The following SCFD1 variants were observed in gnomAD, a reference collection of about 807,000 sequenced individuals.
SCFD1 encodes the protein sec1 family domain containing 1.
A neutral mutation model predicts 103.2 loss-of-function variants in SCFD1; 37 were observed. The ratio of observed to expected loss-of-function variants is 0.36; its 90% CI spans 0.28 to 0.47. The LOEUF (loss-of-function observed/expected upper bound fraction) is 0.47, where lower values mean the gene tolerates loss of function less well. SCFD1 is among the 20% of genes least tolerant of loss of function. The pLI is 1.00. For synonymous variants in SCFD1, 264 were observed against 245.0 expected (o/e 1.08, Z -0.73); for missense variants, 639 against 761.2 (o/e 0.84, Z 1.89).
rs1185186366 is a variant in SCFD1, at chr14:30,638,198, A to G, written c.386A>G (p.Asp129Gly). 6.2e-7 allele frequency: 1 copy of G among 1,612,898 alleles called. No homozygotes were observed. Among genetic ancestry groups the G allele is most frequent in the East Asian group, 2.2e-5 (1 of 44,782 alleles). The change falls in exon 5 of 25, where the codon GAT becomes GGT. Residue 129 changes from aspartate (D) to glycine (G), a missense_variant. Asp to Gly is a moderately conservative substitution (Grantham distance 94). Coordinates refer to ENST00000458591, the MANE Select transcript of SCFD1 (RefSeq NM_016106.4). ...ISAISRSKLE[D>G]IANAALAASA... is the part of the protein sequence containing the mutation. ...GCTATTTCAAGAAGTAAACTGGAAG[A>G]TATTGCAAATGCAGCGTTAGCAGCT... is the stretch of plus-strand genomic sequence containing the variant.
At chr14:30,725,176 T>C (rs1226848925) in intron 23 of SCFD1, among the ~76,000 whole-genome samples, 1 of 152,164 alleles carries the variant, frequency 6.6e-6, no homozygotes, top group Non-Finnish European at 1.5e-5. Context: ...GGCTCTTTTT[T>C]GATTCCATAT....
rs374416092 is a variant in SCFD1 at position 30,650,528 on chromosome 14, A to C, written c.670-37A>C. On this transcript the variant is annotated intron_variant, in intron 8 of 24. Transcript: ENST00000458591. ...GAATTAACCTCCATAAAGTTATATGAAACTGTTAAGAGTTAATCTAAAATT... is the reference window on the plus strand; with the variant it reads ...GAATTAACCTCCATAAAGTTATATGCAACTGTTAAGAGTTAATCTAAAATT... The C allele has an allele frequency of 1.5e-4, 186 of 1,201,566 alleles. No individual in the cohort carries two copies. In the African/African-American group the frequency reaches 2.3e-3, roughly 15 times the overall value. 74.4% of individuals were successfully genotyped at this position (1,201,566 alleles called of 1,614,324 possible).
At chr14:30,693,171 G>A (rs1216420992) in intron 14 of SCFD1, among the ~76,000 whole-genome samples, 1 of 152,144 alleles carries the variant, frequency 6.6e-6, no homozygotes, top group African/African-American at 2.4e-5. Flanking sequence ...ACATGCTGAT[G>A]TAGAATATAT....
At chr14:30,639,331 A>C (rs1380181600) in intron 5 of SCFD1, among the ~76,000 whole-genome samples, 1 of 152,136 alleles carries the variant, frequency 6.6e-6, no homozygotes, top group African/African-American at 2.4e-5. Context: ...TAGTTCTCTT[A>C]ATTTTTCTCC....
intron 15 of SCFD1, among the ~76,000 whole-genome samples, chr14:30,695,444 CAT>C (rs972174742): frequency 1.4e-4 from 22 of 152,072 alleles, no homozygotes; most frequent in African/African-American, 5.1e-4. Context: ...TGTTCTCACT[CAT>C]GTGGAAGCTT....
chr14:30,664,151 G>T (rs750389967), intron 10 of SCFD1, among the ~76,000 whole-genome samples: 1 of 152,034 alleles, frequency 6.6e-6, no homozygotes, highest in African/African-American at 2.4e-5. Context: ...TCATACACCC[G>T]GGCGCCCCTC....
intron 19 of SCFD1, 39 bp from the exon 20 acceptor site, chr14:30,715,885 G>A (rs1052866032): frequency 9.3e-6 from 11 of 1,188,310 alleles, no homozygotes; most frequent in African/African-American, 1.6e-5. Context: ...AAGAACTTTG[G>A]TTTAATATTC....
intron 10 of SCFD1, among the ~76,000 whole-genome samples, chr14:30,654,364 C>G (rs1886693738): frequency 6.6e-6 from 1 of 152,120 alleles, no homozygotes; most frequent in Non-Finnish European, 1.5e-5. Flanking sequence ...TAAAGACTGC[C>G]CAACATGTCA....
chr14:30,622,341 G>GGCGGCGGCGGCGGCA lies in SCFD1; in HGVS notation c.7_21dup (p.Ala3_Ala7dup), dbSNP rs765492494. 18 of 1,569,352 alleles carry GGCGGCGGCGGCGGCA rather than the reference G, an allele frequency of 1.1e-5. No individual in the cohort carries two copies. The East Asian group carries it at 2.8e-4, about 25-fold the overall frequency. On this transcript the variant is annotated inframe_insertion, in exon 1 of 25. Transcript: ENST00000458591. ...GGCAGTGGCTCGTGGGAGCCAAGATGGCGGCGGCGGCGGCAGCGACAGCAG... is the reference window on the plus strand; with the variant it reads ...GGCAGTGGCTCGTGGGAGCCAAGATGGCGGCGGCGGCGGCAGCGGCGGCGGCGGCAGCGACAGCAG...
intron 6 of SCFD1, among the ~76,000 whole-genome samples, chr14:30,640,379 C>T (rs229163): frequency 0.011 from 1,726 of 152,172 alleles, 31 homozygotes; most frequent in African/African-American, 0.039. Context: ...TTTTTGACAA[C>T]GGTTATTATT....
chr14:30,703,959 A>G (rs1891283863), intron 17 of SCFD1, among the ~76,000 whole-genome samples: 1 of 49,658 alleles, frequency 2.0e-5, no homozygotes, highest in South Asian at 5.7e-4. Flanking sequence ...ATATATATAT[A>G]TATAAATAAT....
intron 14 of SCFD1, among the ~76,000 whole-genome samples, chr14:30,678,512 C>T (rs890940637): frequency 2.0e-5 from 3 of 152,008 alleles, no homozygotes; most frequent in South Asian, 2.1e-4. Flanking sequence ...TTTTTTCATC[C>T]CTAATACAAA....
intron 1 of SCFD1, 53 bp downstream of exon 1, chr14:30,622,452 C>T: frequency 6.5e-7 from 1 of 1,546,916 alleles, no homozygotes; most frequent in East Asian, 2.4e-5. Context: ...CGACGACATC[C>T]TTCTCCTCTG....
chr14:30,663,977 T>G (rs908827812), intron 10 of SCFD1, among the ~76,000 whole-genome samples: 3 of 152,168 alleles, frequency 2.0e-5, no homozygotes, highest in African/African-American at 7.2e-5. Flanking sequence ...CAGCAGAAAC[T>G]TCTGCAGACT....
At chr14:30,662,090 A>G (rs773778892) in intron 10 of SCFD1, among the ~76,000 whole-genome samples, 1 of 152,224 alleles carries the variant, frequency 6.6e-6, no homozygotes. Context: ...TGTGATTTAC[A>G]GGAGGAATAT....
intron 2 of SCFD1, among the ~76,000 whole-genome samples, chr14:30,628,616 A>C (rs907882622): frequency 1.3e-5 from 2 of 152,184 alleles, no homozygotes; most frequent in Non-Finnish European, 2.9e-5. Flanking sequence ...TCACATTCAG[A>C]GGGCCTGGAT....
intron 21 of SCFD1, among the ~76,000 whole-genome samples, chr14:30,719,781 C>G (rs1312450833): frequency 6.6e-6 from 1 of 152,072 alleles, no homozygotes; most frequent in Non-Finnish European, 1.5e-5. Flanking sequence ...ATTAAAGTCA[C>G]TGGGAACCAT....
At chr14:30,713,224 T>C (rs1892018311) in intron 19 of SCFD1, among the ~76,000 whole-genome samples, 1 of 152,234 alleles carries the variant, frequency 6.6e-6, no homozygotes, top group Non-Finnish European at 1.5e-5. Context: ...CTTTCCTACG[T>C]TTTAAAGACA....
At chr14:30,711,895 A>G (rs1189421082) in intron 19 of SCFD1, among the ~76,000 whole-genome samples, 1 of 152,020 alleles carries the variant, frequency 6.6e-6, no homozygotes, top group African/African-American at 2.4e-5. Context: ...TACAGGTGAA[A>G]TAAGATTTGC....
Sources: allele counts gnomAD v4.1 joint callset (sites outside exome capture counted in the v4.1 genomes callset), GRCh38; gene constraint gnomAD v4.1.1; transcripts MANE v1.5; gene names NCBI Gene and HGNC (gene_info 2026-07-23, HGNC 2026-07-21).